Variants in ATAD2B observed in about 807,000 individuals in gnomAD.
ATAD2B encodes ATPase family AAA domain containing 2B.
A neutral mutation model predicts 167.6 loss-of-function variants in ATAD2B; 40 were observed. The observed-to-expected ratio is 0.24, with a 90% confidence interval of 0.19 to 0.31. The LOEUF (loss-of-function observed/expected upper bound fraction) is 0.31. Ranked by LOEUF, ATAD2B falls within the 10% of genes least tolerant of loss-of-function variation. The pLI is 1.00. For synonymous variants in ATAD2B, 579 were observed against 596.5 expected, an observed-to-expected ratio of 0.97 and a Z score of 0.43; for missense variants, 1,242 against 1,757.2, an observed-to-expected ratio of 0.71 and a Z score of 5.24.
rs915038664 is a variant in ATAD2B, at chr2:23,761,696, A to C, written c.3394+513T>G. ...TATAGATCAACATGAATGAGTACAA[A>C]AAAACTCCCAATTTTCCCTTTAAAT... is the stretch of plus-strand genomic sequence containing the variant. On this transcript the variant is annotated intron_variant, in intron 24 of 27. Coordinates refer to ENST00000238789, the MANE Select transcript of ATAD2B (RefSeq NM_017552.4). Among the ~76,000 whole-genome samples the C allele has an allele frequency of 3.9e-5, 6 of 152,230 alleles. No homozygotes were observed. In the South Asian group the frequency reaches 1.2e-3, roughly 32 times the overall value.
intron 22 of ATAD2B, among the ~76,000 whole-genome samples, chr2:23,777,525 T>C (rs1472295490): frequency 6.6e-6 from 1 of 152,076 alleles, no homozygotes; most frequent in Non-Finnish European, 1.5e-5. Context: ...GAAATACAAC[T>C]GTGGCAGATA....
At chr2:23,740,229 C>G in the ATAD2B span, among the ~76,000 whole-genome samples, 4 of 152,190 alleles carry the variant, frequency 2.6e-5, no homozygotes, top group East Asian at 7.7e-4. Flanking sequence ...GATACCAAAG[C>G]CTGACAGAGA....
chr2:23,708,226 T>C, the ATAD2B span: 2 of 152,344 alleles, frequency 1.3e-5, no homozygotes, highest in South Asian at 4.1e-4. Flanking sequence ...ATACCGAGCT[T>C]CGTTATGCAG....
rs144951840 is a variant in ATAD2B, at chr2:23,784,740, G to A, written c.2973+1287C>T. On this transcript the variant is annotated intron_variant, in intron 21 of 27. Coordinates refer to ENST00000238789, the MANE Select transcript of ATAD2B (RefSeq NM_017552.4). ...ATTTATTTAAAATAATTTTTTAATCGGCTGATAGTTTTAAAATTATTTAAA... is the reference window on the plus strand; with the variant it reads ...ATTTATTTAAAATAATTTTTTAATCAGCTGATAGTTTTAAAATTATTTAAA... Among the ~76,000 whole-genome samples, 111 of 151,660 alleles carry A rather than the reference G, an allele frequency of 7.3e-4. No individual in the cohort carries two copies. In the East Asian group the frequency reaches 0.018, roughly 24 times the overall value.
the ATAD2B span, chr2:23,703,973 G>C: frequency 4.8e-6 from 6 of 1,242,834 alleles, no homozygotes; most frequent in Non-Finnish European, 6.6e-6. Flanking sequence ...CCCAGGCCCA[G>C]AGCAGTGGCC....
At chr2:23,829,988 G>GC (rs1553412099) in intron 14 of ATAD2B, among the ~76,000 whole-genome samples, 1 of 151,554 alleles carries the variant, frequency 6.6e-6, no homozygotes, top group Non-Finnish European at 1.5e-5. Flanking sequence ...TTCTAAAATA[G>GC]TTTTTTTTGT....
chr2:23,805,216 A>G (rs1684180149), intron 18 of ATAD2B, among the ~76,000 whole-genome samples: 1 of 152,116 alleles, frequency 6.6e-6, no homozygotes, highest in Non-Finnish European at 1.5e-5. Context: ...AGCTTGCTTG[A>G]TACAGTCAAA....
chr2:23,725,618 C>T, the ATAD2B span, among the ~76,000 whole-genome samples: 1 of 151,932 alleles, frequency 6.6e-6, no homozygotes, highest in Non-Finnish European at 1.5e-5. Flanking sequence ...CCAGAGAAAT[C>T]CCTAAAAGCT....
intron 22 of ATAD2B, among the ~76,000 whole-genome samples, chr2:23,769,171 G>C (rs1362524107): frequency 6.6e-6 from 1 of 152,028 alleles, no homozygotes; most frequent in African/African-American, 2.4e-5. Flanking sequence ...CCGAGCACGG[G>C]GGCTCACGCC....
At chr2:23,866,727 T>A (rs1695193099) in intron 10 of ATAD2B, among the ~76,000 whole-genome samples, 1 of 152,196 alleles carries the variant, frequency 6.6e-6, no homozygotes, top group African/African-American at 2.4e-5. Flanking sequence ...GACTTCAGAT[T>A]AGAGATAGTT....
rs1405459774 is a variant in ATAD2B at position 23,898,706 on chromosome 2, T to A, written c.217-2736A>T. On this transcript the variant is annotated intron_variant, in intron 1 of 27. Coordinates refer to ENST00000238789, the MANE Select transcript of ATAD2B (RefSeq NM_017552.4). ...TATAATCCTTTTCAATATGCTACCA[T>A]ATAGAAATATCTGTGACCAGGCACA... Among the ~76,000 whole-genome samples, 3 of 152,296 alleles carry A rather than the reference T, an allele frequency of 2.0e-5. No individual in the cohort carries two copies. In the East Asian group the frequency reaches 5.8e-4, roughly 29 times the overall value.
Position 23,757,530 on chromosome 2 carries a change from A to G in ATAD2B, c.3966T>C (p.Thr1322=). 2 of 1,591,460 alleles carry G rather than the reference A, an allele frequency of 1.3e-6. No homozygotes were observed. The highest frequency in any genetic ancestry group is 1.7e-6 in the Non-Finnish European group (2 of 1,172,294). Residue 1322 remains threonine, a synonymous_variant, in exon 25 of 28, where the codon ACT becomes ACC. Transcript: ENST00000238789. ...TCTCAAGATCATCTCCATGATTTTC[A>G]GTCGAAGTTTCTGGTTTTTCTTTTG... ...DQSKEKPETS[T]ENHGDDLEKL...
chr2:23,919,611 G>A (rs1422064619), intron 1 of ATAD2B, among the ~76,000 whole-genome samples: 1 of 152,088 alleles, frequency 6.6e-6, no homozygotes, highest in Non-Finnish European at 1.5e-5. Context: ...GAGAGGCCGA[G>A]GCGGGCAAAT....
intron 18 of ATAD2B, among the ~76,000 whole-genome samples, chr2:23,805,191 A>T (rs1367635205): frequency 6.6e-6 from 1 of 151,992 alleles, no homozygotes; most frequent in South Asian, 2.1e-4. Flanking sequence ...TTTCAAAGTG[A>T]TTTTTTTCAT....
rs1188975516 is a variant in ATAD2B, at chr2:23,788,760, C to A, written c.2641-113G>T. ...CAGTATCATGTTCAATATTCATAGACCATTCACATGGGGTTATAGTTAACC... is the reference window on the plus strand; with the variant it reads ...CAGTATCATGTTCAATATTCATAGAACATTCACATGGGGTTATAGTTAACC... On this transcript the variant is annotated intron_variant, in intron 19 of 27. Transcript: ENST00000238789. 3.7e-5 allele frequency: 34 copies of A among 908,542 alleles called. No homozygotes were observed. The East Asian group carries it at 9.0e-4, about 24-fold the overall frequency. 56.3% of individuals were successfully genotyped at this position (908,542 alleles called of 1,614,324 possible).
intron 1 of ATAD2B, among the ~76,000 whole-genome samples, chr2:23,901,439 C>T (rs1573351450): frequency 6.6e-6 from 1 of 151,640 alleles, no homozygotes; most frequent in Non-Finnish European, 1.5e-5. Context: ...TGCAGCCCTA[C>T]TATACATTTG....
intron 1 of ATAD2B, among the ~76,000 whole-genome samples, chr2:23,924,149 A>G (rs1189181027): frequency 6.6e-6 from 1 of 152,148 alleles, no homozygotes; most frequent in Non-Finnish European, 1.5e-5. Flanking sequence ...GCGCCACTGC[A>G]CTCCAGCCTG....
the ATAD2B span, among the ~76,000 whole-genome samples, chr2:23,729,791 A>G: frequency 6.6e-6 from 1 of 152,222 alleles, no homozygotes. Context: ...AACAAGGACA[A>G]TTACCAGGGA....
chr2:23,908,800 T>C (rs1278835273), intron 1 of ATAD2B, among the ~76,000 whole-genome samples: 3 of 151,632 alleles, frequency 2.0e-5, no homozygotes, highest in Non-Finnish European at 4.4e-5. Flanking sequence ...TGGAATACTA[T>C]GCAGCCATAA....
Sources: gnomAD v4.1 joint callset for allele counts (sites outside exome capture counted in the v4.1 genomes callset) on GRCh38, gnomAD v4.1.1 for gene constraint, MANE v1.5 for transcripts, NCBI Gene and HGNC (gene_info 2026-07-23, HGNC 2026-07-21) for gene names.